RMST: variants seen among roughly 807,000 people sequenced by gnomAD.
The protein encoded by RMST is rhabdomyosarcoma 2 associated transcript.
In RMST at chr12:97,548,232, A is replaced by G. The variant is rs149336962; in HGVS notation, n.1546-12305A>G. On this transcript the variant is annotated intron_variant and non_coding_transcript_variant, in intron 11 of 13. Coordinates refer to ENST00000640149, the Ensembl canonical transcript of RMST. ...GGGTGGGTTTATTTCTGGTCACTCTATTCTATTCCATTGGTCTATGCATTT... is the reference window on the plus strand; with the variant it reads ...GGGTGGGTTTATTTCTGGTCACTCTGTTCTATTCCATTGGTCTATGCATTT... 9.5e-3 allele frequency among the ~76,000 whole-genome samples: 1,449 copies of G among 152,106 alleles called. 82 individuals carry two copies. Among genetic ancestry groups the G allele is most frequent in the Non-Finnish European group, 2.8e-3 (193 of 67,950 alleles).
chr12:97,525,695 T>C (rs969273660), intron 10 of RMST, among the ~76,000 whole-genome samples: 1 of 152,120 alleles, frequency 6.6e-6, no homozygotes, highest in African/African-American at 2.4e-5. Flanking sequence ...ATAAACAGTA[T>C]ATGCAAAAGC....
intron 10 of RMST, among the ~76,000 whole-genome samples, chr12:97,529,765 T>C (rs74387943): frequency 0.084 from 12,846 of 152,100 alleles, 1,023 homozygotes; most frequent in African/African-American, 0.21. Context: ...CTAATATATA[T>C]TGAGATTTCA....
chr12:97,488,810 A>G (rs1166706208), intron 5 of RMST, among the ~76,000 whole-genome samples: 2 of 152,162 alleles, frequency 1.3e-5, no homozygotes, highest in Non-Finnish European at 2.9e-5. Context: ...AGCACTCAGT[A>G]ATTAATTTTC....
chr12:97,559,121 A>G (rs755134980), intron 11 of RMST, among the ~76,000 whole-genome samples: 37 of 130,308 alleles, frequency 2.8e-4, no homozygotes, highest in Non-Finnish European at 4.3e-4. Flanking sequence ...TCTCTCTCTG[A>G]TATACATTGG....
intron 10 of RMST, among the ~76,000 whole-genome samples, chr12:97,516,066 TA>T (rs967164428): frequency 3.3e-5 from 5 of 152,070 alleles, no homozygotes; most frequent in African/African-American, 1.2e-4. Context: ...AAAGAGTTTC[TA>T]AAAATCATAG....
intron 8 of RMST, chr12:97,494,031 A>T (rs931136886): frequency 6.6e-6 from 1 of 152,212 alleles, no homozygotes; most frequent in Non-Finnish European, 1.5e-5. Context: ...ATTGGCTTCC[A>T]GAAGTAGAAA....
chr12:97,465,630 T>A (rs866946136), intron 4 of RMST: 2 of 152,258 alleles, frequency 1.3e-5, no homozygotes, highest in African/African-American at 2.4e-5. Flanking sequence ...AGTTTTTTTT[T>A]AAGTAATATG....
chr12:97,534,641 T>G (rs1881924036), intron 11 of RMST, among the ~76,000 whole-genome samples: 1 of 151,698 alleles, frequency 6.6e-6, no homozygotes, highest in Non-Finnish European at 1.5e-5. Flanking sequence ...ATCCAATAAT[T>G]TATTTTGCTT....
intron 5 of RMST, among the ~76,000 whole-genome samples, chr12:97,470,869 C>T (rs1157684560): frequency 6.6e-6 from 1 of 152,058 alleles, no homozygotes; most frequent in Non-Finnish European, 1.5e-5. Context: ...CCTTAACCAT[C>T]ATAAAGTTTT....
chr12:97,511,853 T>C (rs1388305003), intron 10 of RMST, among the ~76,000 whole-genome samples: 1 of 152,208 alleles, frequency 6.6e-6, no homozygotes, highest in Non-Finnish European at 1.5e-5. Flanking sequence ...TATAGCACCT[T>C]TTATACATAC....
At chr12:97,499,858 C>G (rs997852921) in intron 10 of RMST, among the ~76,000 whole-genome samples, 6 of 151,982 alleles carry the variant, frequency 3.9e-5, no homozygotes, top group African/African-American at 1.2e-4. Context: ...GGGGTTTCAC[C>G]ATGTTGACCA....
chr12:97,504,495 C>A (rs187272981), intron 10 of RMST, among the ~76,000 whole-genome samples: 5 of 150,150 alleles, frequency 3.3e-5, no homozygotes, highest in Admixed American at 1.3e-4. Context: ...TCCTAAAATA[C>A]GTTTCTTATT....
chr12:97,514,087 A>C (rs932230768), intron 10 of RMST, among the ~76,000 whole-genome samples: 4 of 152,192 alleles, frequency 2.6e-5, no homozygotes, highest in African/African-American at 9.6e-5. Context: ...TTCTCTTTGC[A>C]GAAGGTAACT....
At chr12:97,531,704 AATTTGCAATAT>A (rs1364110499) in intron 11 of RMST, among the ~76,000 whole-genome samples, 1 of 151,968 alleles carries the variant, frequency 6.6e-6, no homozygotes, top group Non-Finnish European at 1.5e-5. Context: ...CAAGGCAATC[AATTTGCAATAT>A]AATCGGGGAC....
At chr12:97,524,030 C>A (rs111857617) in intron 10 of RMST, among the ~76,000 whole-genome samples, 8 of 128,764 alleles carry the variant, frequency 6.2e-5, no homozygotes, top group Admixed American at 2.9e-4. Context: ...GAGCCGAGAT[C>A]GCGCCACTGC....
intron 11 of RMST, among the ~76,000 whole-genome samples, chr12:97,532,472 C>G (rs1881717657): frequency 6.6e-6 from 1 of 151,782 alleles, no homozygotes; most frequent in South Asian, 2.1e-4. Flanking sequence ...AAGTAGATGA[C>G]AATTACAGAC....
intron 5 of RMST, among the ~76,000 whole-genome samples, chr12:97,485,119 C>A (rs1314846688): frequency 1.3e-5 from 2 of 152,154 alleles, no homozygotes; most frequent in Non-Finnish European, 2.9e-5. Flanking sequence ...TGATTGAAGT[C>A]ATGCTGCATT....
intron 5 of RMST, among the ~76,000 whole-genome samples, chr12:97,472,280 A>G (rs890451151): frequency 3.3e-5 from 5 of 152,142 alleles, no homozygotes; most frequent in Admixed American, 6.6e-5. Context: ...TAGAAGGTAC[A>G]TACTTACGTA....
intron 10 of RMST, among the ~76,000 whole-genome samples, chr12:97,504,123 G>C (rs1878400568): frequency 6.6e-6 from 1 of 152,150 alleles, no homozygotes; most frequent in Admixed American, 6.5e-5. Flanking sequence ...CGGACTCCTG[G>C]CCTCAAGTGA....
Sources: gnomAD v4.1 joint callset for allele counts (sites outside exome capture counted in the v4.1 genomes callset) on GRCh38, gnomAD v4.1.1 for gene constraint, MANE v1.5 for transcripts, NCBI Gene and HGNC (gene_info 2026-07-23, HGNC 2026-07-21) for gene names.